Variants in LRBA observed in about 807,000 individuals in gnomAD.
LRBA encodes LPS responsive beige-like anchor protein.
Under a neutral mutation model 330.0 loss-of-function variants are expected in LRBA, and 176 were observed. The ratio of observed to expected loss-of-function variants is 0.53; its 90% CI spans 0.47 to 0.60. The LOEUF (loss-of-function observed/expected upper bound fraction) is 0.60, where lower values mean the gene tolerates loss of function less well. LRBA is among the 20% of genes least tolerant of loss of function. The pLI is 0.00. For synonymous variants in LRBA, 1,230 were observed against 1,193.0 expected (o/e 1.03, Z -0.64); for missense variants, 3,259 against 3,444.8 (o/e 0.95, Z 1.35).
At chr4:150,660,522 G>A (rs550402477) in intron 37 of LRBA, among the ~76,000 whole-genome samples, 1 of 151,478 alleles carries the variant, frequency 6.6e-6, no homozygotes, top group African/African-American at 2.4e-5. Context: ...CCCTGTCCGG[G>A]AGGTGAGGGG....
intron 40 of LRBA, among the ~76,000 whole-genome samples, chr4:150,567,384 G>A (rs752633503): frequency 2.0e-5 from 3 of 151,840 alleles, no homozygotes; most frequent in Admixed American, 6.6e-5. Context: ...GTGATATAAC[G>A]GACACTATTT....
At chr4:150,934,518 C>T (rs1403795994) in intron 2 of LRBA, among the ~76,000 whole-genome samples, 3 of 152,150 alleles carry the variant, frequency 2.0e-5, no homozygotes, top group Non-Finnish European at 4.4e-5. Flanking sequence ...ACAGAAATAG[C>T]CTACCCGTAT....
rs779937789 is a variant in LRBA at position 150,893,076 on chromosome 4, G to A, written c.2141C>T (p.Ala714Val). 2.5e-6 allele frequency: 4 copies of A among 1,610,354 alleles called. No individual in the cohort carries two copies. Among genetic ancestry groups the A allele is most frequent in the Non-Finnish European group, 3.4e-6 (4 of 1,177,630 alleles). ...CCGTAACCCATTCCTTTGGTCAAAAGCAGGAATCATAGAGTTAGGGTGTTC... is the reference window on the plus strand; with the variant it reads ...CCGTAACCCATTCCTTTGGTCAAAAACAGGAATCATAGAGTTAGGGTGTTC... ...MSEHPNSMIP[A>V]FDQRNGLRVI... Residue 714 changes from alanine to valine, a missense_variant, in exon 17 of 57, where the codon GCT becomes GTT. By Grantham distance (64) the Ala-to-Val change is moderately conservative. Transcript: ENST00000651943.
Position 150,350,100 on chromosome 4 carries a change from G to C in LRBA, c.7254C>G (p.Gly2418=), listed in dbSNP as rs776750092. ...CAGCTTCTGGTCCTTGCTGTTTATA[G>C]CCAAAAATGAGATCAATCCATTGGT... ...QLHQWIDLIF[G]YKQQGPEAVR... Residue 2418 remains glycine (G), a synonymous_variant, in exon 48 of 57, where the codon GGC becomes GGG. Coordinates refer to ENST00000651943, the MANE Select transcript of LRBA (RefSeq NM_001364905.1). 5.6e-6 allele frequency: 9 copies of C among 1,605,554 alleles called. 2 individuals carry two copies. In the Middle Eastern group the frequency reaches 1.0e-3, roughly 179 times the overall value.
chr4:150,884,107 T>G (rs1015333225), intron 17 of LRBA, among the ~76,000 whole-genome samples: 1 of 152,198 alleles, frequency 6.6e-6, no homozygotes, highest in African/African-American at 2.4e-5. Context: ...AACTGTAGTT[T>G]TACCATTTGG....
chr4:150,524,380 A>G (rs933327987), intron 40 of LRBA, among the ~76,000 whole-genome samples: 3 of 152,190 alleles, frequency 2.0e-5, no homozygotes, highest in African/African-American at 7.2e-5. Context: ...TTTTACCTTA[A>G]TAAATGTGAA....
At chr4:150,381,158 A>T (rs1304917329) in intron 47 of LRBA, among the ~76,000 whole-genome samples, 1 of 152,146 alleles carries the variant, frequency 6.6e-6, no homozygotes, top group Non-Finnish European at 1.5e-5. Flanking sequence ...TCCTTCATAC[A>T]ATTTTTGAAT....
At chr4:150,273,348 T>C (rs1407314102) in intron 56 of LRBA, among the ~76,000 whole-genome samples, 1 of 152,196 alleles carries the variant, frequency 6.6e-6, no homozygotes, top group Non-Finnish European at 1.5e-5. Flanking sequence ...TACCAGCCAC[T>C]ATGAAAACAT....
At chr4:150,437,358 A>G (rs1751248478) in intron 44 of LRBA, among the ~76,000 whole-genome samples, 1 of 151,898 alleles carries the variant, frequency 6.6e-6, no homozygotes, top group South Asian at 2.1e-4. Flanking sequence ...AACAGGGTTA[A>G]GAAACTAGAA....
chr4:151,011,934 G>A (rs1187581056), intron 2 of LRBA, among the ~76,000 whole-genome samples: 1 of 151,864 alleles, frequency 6.6e-6, no homozygotes, highest in African/African-American at 2.4e-5. Flanking sequence ...ACCTCCCAAA[G>A]CTCTGGGATT....
At chr4:150,681,579 T>TTTGTTACATA (rs1783061830) in intron 37 of LRBA, among the ~76,000 whole-genome samples, 1 of 152,190 alleles carries the variant, frequency 6.6e-6, no homozygotes, top group Non-Finnish European at 1.5e-5. Flanking sequence ...GGCAATGTGC[T>TTTGTTACATA]TTGTTACATA....
At chr4:150,671,997 G>C (rs73859215) in intron 37 of LRBA, among the ~76,000 whole-genome samples, 111 of 152,270 alleles carry the variant, frequency 7.3e-4, no homozygotes, top group African/African-American at 2.6e-3. Context: ...TAACATTTCT[G>C]GGAAATCTGA....
chr4:150,461,914 C>G (rs1754823408), intron 44 of LRBA, among the ~76,000 whole-genome samples: 1 of 151,670 alleles, frequency 6.6e-6, no homozygotes, highest in Non-Finnish European at 1.5e-5. Context: ...TACACAATCA[C>G]TTTCCAAAGT....
At chr4:150,942,183 A>G (rs1735740068) in intron 2 of LRBA, among the ~76,000 whole-genome samples, 1 of 152,202 alleles carries the variant, frequency 6.6e-6, no homozygotes, top group Non-Finnish European at 1.5e-5. Context: ...TTTGAATTCT[A>G]AAATGTTTTC....
chr4:150,902,657 G>A (rs543352524), intron 13 of LRBA, among the ~76,000 whole-genome samples: 54 of 152,276 alleles, frequency 3.5e-4, no homozygotes, highest in Admixed American at 2.9e-3. Context: ...CCTACGCTCA[G>A]GCCTGCTCCC....
At chr4:151,006,042 T>C (rs939333372) in intron 2 of LRBA, among the ~76,000 whole-genome samples, 12 of 152,156 alleles carry the variant, frequency 7.9e-5, no homozygotes, top group African/African-American at 2.9e-4. Context: ...ATATATCTTT[T>C]GCGGAAAAGA....
At position 150,852,769 on chromosome 4, in the gene LRBA, C is replaced by T. The variant is rs562372000; in HGVS notation, c.2941G>A (p.Val981Ile). Residue 981 changes from valine (V) to isoleucine (I), a missense_variant, in exon 23 of 57, where the codon GTC becomes ATC. By Grantham distance (29) the Val-to-Ile change is conservative. Coordinates refer to ENST00000651943, the MANE Select transcript of LRBA (RefSeq NM_001364905.1). The part of the protein sequence containing the change: ...SQQPDTKDSP[V>I]CPHFTTNGNE... ...CCATTTGTGGTGAAATGAGGACAGA[C>T]AGGAGAATCCTTCGTATCTGGTTGC... 1 of 1,613,988 alleles carries T rather than the reference C, an allele frequency of 6.2e-7. No individual in the cohort carries two copies. The highest frequency in any genetic ancestry group is 2.2e-5 in the East Asian group (1 of 44,862).
At chr4:150,320,025 C>T (rs1422124656) in intron 50 of LRBA, among the ~76,000 whole-genome samples, 1 of 152,060 alleles carries the variant, frequency 6.6e-6, no homozygotes, top group Admixed American at 6.6e-5. Flanking sequence ...GGAAAAAAGT[C>T]TATAATCTCC....
chr4:150,538,394 C>A (rs1249343788), intron 40 of LRBA, among the ~76,000 whole-genome samples: 3 of 152,112 alleles, frequency 2.0e-5, no homozygotes, highest in Admixed American at 2.0e-4. Flanking sequence ...CCTAGATGCC[C>A]AGCAACAGTG....
Sources: gnomAD v4.1 joint callset for allele counts (sites outside exome capture counted in the v4.1 genomes callset) on GRCh38, gnomAD v4.1.1 for gene constraint, MANE v1.5 for transcripts, NCBI Gene and HGNC (gene_info 2026-07-23, HGNC 2026-07-21) for gene names.